The following CTXND2 variants were observed in gnomAD, a reference collection of about 807,000 sequenced individuals.
The protein encoded by CTXND2 is cortexin domain containing 2.
intron 1 of CTXND2, among the ~76,000 whole-genome samples, chr1:150,896,407 C>A (rs1389421178): frequency 6.6e-6 from 1 of 152,184 alleles, no homozygotes; most frequent in Non-Finnish European, 1.5e-5. Flanking sequence ...CACTCGCAAC[C>A]AAAAGCATCC....
intron 1 of CTXND2, among the ~76,000 whole-genome samples, chr1:150,910,836 G>A (rs750780440): frequency 1.8e-4 from 27 of 150,256 alleles, no homozygotes; most frequent in Non-Finnish European, 3.9e-4. Flanking sequence ...ACAGAGTCTC[G>A]CTCTGTCACC....
intron 1 of CTXND2, among the ~76,000 whole-genome samples, chr1:150,897,895 A>G (rs1446963121): frequency 1.3e-5 from 2 of 152,180 alleles, no homozygotes; most frequent in Admixed American, 1.3e-4. Flanking sequence ...GGCAAGGTAC[A>G]ACTCTGTACC....
chr1:150,891,230 T>G lies in CTXND2; in HGVS notation c.-74+3917T>G, dbSNP rs902953919. On this transcript the variant is annotated intron_variant, in intron 1 of 1. Coordinates refer to ENST00000636087, the Ensembl canonical transcript of CTXND2. ...TTCTTTCTTTTTTTTTTTCTTTTTTTGTGAGACGGAGTCTCGCTCTGTCGC... is the reference window on the plus strand; with the variant it reads ...TTCTTTCTTTTTTTTTTTCTTTTTTGGTGAGACGGAGTCTCGCTCTGTCGC... Among the ~76,000 whole-genome samples, 55 of 152,122 alleles carry G rather than the reference T, an allele frequency of 3.6e-4. 1 individual carries two copies. The highest frequency in any genetic ancestry group is 3.4e-4 in the Non-Finnish European group (23 of 68,016).
chr1:150,911,222 A>C (rs2102605674), intron 1 of CTXND2, among the ~76,000 whole-genome samples: 2 of 152,018 alleles, frequency 1.3e-5, no homozygotes, highest in East Asian at 3.9e-4. Context: ...TGCTGGGATT[A>C]CAGGCGTGAG....
At chr1:150,890,666 G>C (rs998500373) in intron 1 of CTXND2, among the ~76,000 whole-genome samples, 2 of 151,990 alleles carry the variant, frequency 1.3e-5, no homozygotes, top group African/African-American at 4.8e-5. Context: ...ACCACGCCTG[G>C]CTAATTTTGT....
At chr1:150,898,870 G>A (rs2102597289) in intron 1 of CTXND2, among the ~76,000 whole-genome samples, 1 of 147,950 alleles carries the variant, frequency 6.8e-6, no homozygotes, top group Non-Finnish European at 1.5e-5. Context: ...GAGGTCAGGA[G>A]ACCGAGACCA....
chr1:150,888,323 C>T lies in CTXND2; in HGVS notation c.-74+1010C>T, dbSNP rs947059659. On this transcript the variant is annotated intron_variant, in intron 1 of 1. Transcript: ENST00000636087. ...CTGCCTCCCAGGTTCAAGCAATTCT[C>T]CTGCCTCAGCCTCCCGAGTAGCTGG... 7.9e-5 allele frequency among the ~76,000 whole-genome samples: 12 copies of T among 151,346 alleles called. 1 individual carries two copies. Among genetic ancestry groups the T allele is most frequent in the Non-Finnish European group, 1.5e-4 (10 of 67,838 alleles).
intron 1 of CTXND2, among the ~76,000 whole-genome samples, chr1:150,893,984 C>CTT (rs35020008): frequency 1.3e-5 from 2 of 150,158 alleles, no homozygotes; most frequent in Non-Finnish European, 3.0e-5. Context: ...TCTTTTTTTT[C>CTT]TTTTTTTTTA....
chr1:150,909,552 G>T (rs1669212759), intron 1 of CTXND2, among the ~76,000 whole-genome samples: 1 of 152,084 alleles, frequency 6.6e-6, no homozygotes, highest in African/African-American at 2.4e-5. Context: ...GTGAGACCCT[G>T]TCTCAAAGAA....
At position 150,888,211 on chromosome 1, in the gene CTXND2, C is replaced by A. The variant is rs1015694475; in HGVS notation, c.-74+898C>A. Among the ~76,000 whole-genome samples, 9 of 143,098 alleles carry A rather than the reference C, an allele frequency of 6.3e-5. No individual in the cohort carries two copies. In the South Asian group the frequency reaches 2.1e-3, roughly 34 times the overall value. 93.9% of individuals were successfully genotyped at this position (143,098 alleles called of 152,430 possible). A position where few individuals can be genotyped will look rare whatever the true frequency, so the allele number is the denominator to read the frequency against. On this transcript the variant is annotated intron_variant, in intron 1 of 1. Coordinates refer to ENST00000636087, the Ensembl canonical transcript of CTXND2. Reference sequence around the variant, plus strand: ...TTCCCCCCATTTTGAAAACATTTTACCTAATTTATTTTTTTTTTTTTTGAG... The same window carrying A: ...TTCCCCCCATTTTGAAAACATTTTAACTAATTTATTTTTTTTTTTTTTGAG...
intron 1 of CTXND2, among the ~76,000 whole-genome samples, chr1:150,895,240 T>C (rs1425804123): frequency 6.6e-6 from 1 of 152,062 alleles, no homozygotes; most frequent in Non-Finnish European, 1.5e-5. Flanking sequence ...AAATAGACTA[T>C]AGCTAGATTG....
intron 1 of CTXND2, among the ~76,000 whole-genome samples, chr1:150,910,630 A>ATT (rs200364038): frequency 2.1e-4 from 27 of 129,874 alleles, no homozygotes; most frequent in South Asian, 7.2e-4. Context: ...TGGACTCTCA[A>ATT]TTTTTTTTTT....
chr1:150,896,971 A>T (rs1161277246), intron 1 of CTXND2, among the ~76,000 whole-genome samples: 1 of 152,194 alleles, frequency 6.6e-6, no homozygotes, highest in African/African-American at 2.4e-5. Flanking sequence ...AATAACACAA[A>T]GAGAATGTTA....
intron 1 of CTXND2, among the ~76,000 whole-genome samples, chr1:150,898,932 ATAT>A (rs1557999669): frequency 1.2e-5 from 1 of 80,710 alleles, no homozygotes; most frequent in South Asian, 3.3e-4. Flanking sequence ...AAAAAAAAAA[ATAT>A]ATATATATAT....
At chr1:150,892,732 T>A (rs1416088806) in intron 1 of CTXND2, among the ~76,000 whole-genome samples, 1 of 151,792 alleles carries the variant, frequency 6.6e-6, no homozygotes, top group Non-Finnish European at 1.5e-5. Flanking sequence ...AGAGATGGGG[T>A]TTTACCATGT....
At chr1:150,896,402 G>A (rs962978570) in intron 1 of CTXND2, among the ~76,000 whole-genome samples, 12 of 152,144 alleles carry the variant, frequency 7.9e-5, no homozygotes, top group Middle Eastern at 3.4e-3. Flanking sequence ...TCTGTCACTC[G>A]CAACCAAAAG....
intron 1 of CTXND2, among the ~76,000 whole-genome samples, chr1:150,901,435 A>T (rs2102599474): frequency 6.6e-6 from 1 of 152,348 alleles, no homozygotes; most frequent in Admixed American, 6.5e-5. Context: ...GACTCTGAAT[A>T]ACCAAACACT....
intron 1 of CTXND2, among the ~76,000 whole-genome samples, chr1:150,902,910 C>T (rs1168310492): frequency 6.6e-6 from 1 of 152,012 alleles, no homozygotes; most frequent in Non-Finnish European, 1.5e-5. Flanking sequence ...TACCAACATT[C>T]CAGCAACTTT....
At chr1:150,900,110 C>T (rs932243633) in intron 1 of CTXND2, among the ~76,000 whole-genome samples, 1 of 152,144 alleles carries the variant, frequency 6.6e-6, no homozygotes, top group Non-Finnish European at 1.5e-5. Context: ...TCCCTTTCCA[C>T]CGTGTGGAGG....
Sources: gnomAD v4.1 joint callset for allele counts (sites outside exome capture counted in the v4.1 genomes callset) on GRCh38, gnomAD v4.1.1 for gene constraint, MANE v1.5 for transcripts, NCBI Gene and HGNC (gene_info 2026-07-23, HGNC 2026-07-21) for gene names.